Variants in LRRC8D observed in about 807,000 individuals in gnomAD.
The protein encoded by LRRC8D is leucine rich repeat containing 8 VRAC subunit D, also known as volume-regulated anion channel subunit LRRC8D.
LRRC8D carries 20 observed loss-of-function variants against 55.8 expected under a neutral mutation model. That is an observed-to-expected ratio of 0.36 (90% CI 0.25 to 0.52). LRRC8D has a LOEUF of 0.52. Among genes scored for constraint, LRRC8D ranks in the 20% least tolerant of loss-of-function variants. The pLI, the probability that LRRC8D is intolerant of heterozygous loss-of-function variation, is 0.93. For missense variants in LRRC8D, 651 were observed against 1,030.8 expected, an observed-to-expected ratio of 0.63 and a Z score of 5.05; for synonymous variants, 352 against 377.0, an observed-to-expected ratio of 0.93 and a Z score of 0.77.
intron 1 of LRRC8D, among the ~76,000 whole-genome samples, chr1:89,830,960 C>T (rs1660871893): frequency 6.9e-6 from 1 of 145,014 alleles, no homozygotes; most frequent in African/African-American, 2.6e-5. Context: ...GGCTGGAGTG[C>T]AGTGCTGTGA....
chr1:89,834,891 A>G (rs1660969427), intron 1 of LRRC8D, among the ~76,000 whole-genome samples: 1 of 152,214 alleles, frequency 6.6e-6, no homozygotes, highest in Non-Finnish European at 1.5e-5. Flanking sequence ...GGAGGAGGAA[A>G]GGAAGCCAGA....
chr1:89,875,835 A>G (rs1188928246), intron 2 of LRRC8D, among the ~76,000 whole-genome samples: 1 of 152,224 alleles, frequency 6.6e-6, no homozygotes, highest in Non-Finnish European at 1.5e-5. Flanking sequence ...TCATTTTATG[A>G]GGAAACTGAG....
intron 2 of LRRC8D, among the ~76,000 whole-genome samples, chr1:89,920,796 T>C (rs1024669717): frequency 1.3e-5 from 2 of 152,144 alleles, no homozygotes; most frequent in African/African-American, 4.8e-5. Flanking sequence ...ATAACTGATT[T>C]GGGTGTGCTG....
chr1:89,926,894 CA>C (rs1234488903), intron 2 of LRRC8D, among the ~76,000 whole-genome samples: 3 of 152,218 alleles, frequency 2.0e-5, no homozygotes, highest in Non-Finnish European at 4.4e-5. Flanking sequence ...TTAATGTCCA[CA>C]ACTTCCGTGA....
intron 2 of LRRC8D, among the ~76,000 whole-genome samples, chr1:89,857,909 G>A (rs1661598128): frequency 6.6e-6 from 1 of 152,162 alleles, no homozygotes; most frequent in African/African-American, 2.4e-5. Flanking sequence ...TAATGAGTAG[G>A]ATTAGAGCAC....
intron 2 of LRRC8D, among the ~76,000 whole-genome samples, chr1:89,894,471 T>G (rs1183074224): frequency 6.6e-6 from 1 of 152,226 alleles, no homozygotes; most frequent in East Asian, 1.9e-4. Context: ...GTGTTAACTT[T>G]CAGAACATAG....
intron 2 of LRRC8D, among the ~76,000 whole-genome samples, chr1:89,890,541 T>C (rs1198928534): frequency 1.3e-5 from 2 of 152,222 alleles, no homozygotes; most frequent in South Asian, 4.1e-4. Flanking sequence ...CCCCTTTATC[T>C]CCTGGCAGAA....
intron 2 of LRRC8D, among the ~76,000 whole-genome samples, chr1:89,903,019 TA>T (rs1662903867): frequency 6.6e-6 from 1 of 152,218 alleles, no homozygotes; most frequent in Non-Finnish European, 1.5e-5. Flanking sequence ...ATGGGCTCAC[TA>T]AATCCCCACC....
chr1:89,931,066 G>T (rs1663694333), intron 2 of LRRC8D, among the ~76,000 whole-genome samples: 1 of 126,904 alleles, frequency 7.9e-6, no homozygotes. Flanking sequence ...CTTAAGCCCT[G>T]AAGTCTGGGA....
chr1:89,908,277 AT>A (rs1310337263), intron 2 of LRRC8D, among the ~76,000 whole-genome samples: 1 of 152,236 alleles, frequency 6.6e-6, no homozygotes, highest in African/African-American at 2.4e-5. Context: ...AGTATTTCAT[AT>A]TCATCATCTC....
chr1:89,928,193 C>T (rs1218273763), intron 2 of LRRC8D, among the ~76,000 whole-genome samples: 1 of 152,166 alleles, frequency 6.6e-6, no homozygotes, highest in Non-Finnish European at 1.5e-5. Flanking sequence ...GCCTCAGCCT[C>T]CTGAGTAGCT....
intron 2 of LRRC8D, among the ~76,000 whole-genome samples, chr1:89,867,019 A>G (rs1661869090): frequency 1.3e-5 from 2 of 152,204 alleles, no homozygotes; most frequent in African/African-American, 4.8e-5. Context: ...TTATTGAGAT[A>G]TAATTCATAT....
At chr1:89,824,105 G>A (rs145851641) in intron 1 of LRRC8D, among the ~76,000 whole-genome samples, 71 of 152,258 alleles carry the variant, frequency 4.7e-4, no homozygotes, top group South Asian at 1.5e-3. Context: ...GTCATCTAGT[G>A]GCTAGAGGAC....
chr1:89,822,470 A>T (rs1236002433), intron 1 of LRRC8D, among the ~76,000 whole-genome samples: 1 of 152,190 alleles, frequency 6.6e-6, no homozygotes, highest in Non-Finnish European at 1.5e-5. Context: ...GGACAAAGAA[A>T]ACTCTGAGGA....
chr1:89,858,233 A>T (rs186924319), intron 2 of LRRC8D, among the ~76,000 whole-genome samples: 34 of 152,360 alleles, frequency 2.2e-4, no homozygotes, highest in Non-Finnish European at 1.3e-4. Flanking sequence ...CTCCATCTCA[A>T]AAAAAGTATA....
At chr1:89,885,138 C>A (rs1206829109) in intron 2 of LRRC8D, among the ~76,000 whole-genome samples, 1 of 152,178 alleles carries the variant, frequency 6.6e-6, no homozygotes, top group African/African-American at 2.4e-5. Context: ...AAACTACACT[C>A]CCTTTAAATT....
intron 1 of LRRC8D, among the ~76,000 whole-genome samples, chr1:89,829,312 A>G (rs1054273371): frequency 3.3e-5 from 5 of 152,356 alleles, no homozygotes; most frequent in East Asian, 3.9e-4. Flanking sequence ...TGGAATTTAC[A>G]TGCATTCTCA....
chr1:89,856,771 T>TTAGG (rs1392442038), intron 2 of LRRC8D, among the ~76,000 whole-genome samples: 1 of 152,180 alleles, frequency 6.6e-6, no homozygotes, highest in Non-Finnish European at 1.5e-5. Context: ...ATTGGTGTGT[T>TTAGG]TAGGTAATTT....
intron 2 of LRRC8D, among the ~76,000 whole-genome samples, chr1:89,890,526 C>T (rs142904833): frequency 1.3e-3 from 193 of 152,310 alleles, no homozygotes; most frequent in African/African-American, 3.4e-3. Context: ...TCAGCCTCTC[C>T]GTATCCCCTT....
Sources: gnomAD v4.1 joint callset for allele counts (sites outside exome capture counted in the v4.1 genomes callset) on GRCh38, gnomAD v4.1.1 for gene constraint, MANE v1.5 for transcripts, NCBI Gene and HGNC (gene_info 2026-07-23, HGNC 2026-07-21) for gene names.